Variants in ZFHX3 observed in about 807,000 individuals in gnomAD.
ZFHX3 encodes the protein zinc finger homeobox protein 3.
Under a neutral mutation model 279.1 loss-of-function variants are expected in ZFHX3, and 42 were observed. That is an observed-to-expected ratio of 0.15 (90% CI 0.12 to 0.19). The LOEUF is 0.19. Among genes scored for constraint, ZFHX3 ranks in the 10% least tolerant of loss-of-function variants. ZFHX3 has a pLI of 1.00. For synonymous variants in ZFHX3, 2,293 were observed against 1,957.8 expected (o/e 1.17, Z -4.52); for missense variants, 4,981 against 4,754.0 (o/e 1.05, Z -1.40).
chr16:73,567,462 T>C (rs2020467656), intron 2 of ZFHX3, among the ~76,000 whole-genome samples: 1 of 152,222 alleles, frequency 6.6e-6, no homozygotes, highest in Admixed American at 6.5e-5. Context: ...CTCCCTTAGT[T>C]GGGACATCCT....
intron 6 of ZFHX3, among the ~76,000 whole-genome samples, chr16:73,132,428 A>T (rs1043383004): frequency 6.6e-6 from 1 of 152,162 alleles, no homozygotes; most frequent in African/African-American, 2.4e-5. Flanking sequence ...AGGGAAGGAG[A>T]CTGGGAGCCT....
At chr16:72,811,833 C>A in intron 6 of ZFHX3, 56 bp from the exon 7 acceptor site, 1 of 1,597,450 alleles carries the variant, frequency 6.3e-7, no homozygotes, top group Non-Finnish European at 8.6e-7. Flanking sequence ...AGCCCGCCCA[C>A]CCAAAAGTTT....
At chr16:73,728,050 G>A (rs2142245719) in intron 1 of ZFHX3, among the ~76,000 whole-genome samples, 1 of 118,596 alleles carries the variant, frequency 8.4e-6, no homozygotes, top group East Asian at 2.4e-4. Flanking sequence ...ATATGTTGAA[G>A]TTGTAACTCC....
rs140474019 is a variant in ZFHX3, at chr16:73,472,125, G to C, written c.-1546-15867C>G. The stretch of plus-strand genomic sequence containing the variant: ...ATCTACTGAATGTTAGAACCAAAAG[G>C]GTCTTAAACCAACTTCTACCCCCAA... On this transcript the variant is annotated intron_variant, in intron 2 of 17. Coordinates refer to the ZFHX3 transcript ENST00000641206. 5.2e-3 allele frequency among the ~76,000 whole-genome samples: 793 copies of C among 151,990 alleles called. 8 individuals are homozygous for C. The highest frequency in any genetic ancestry group is 0.019 in the African/African-American group (768 of 41,436).
intron 3 of ZFHX3, among the ~76,000 whole-genome samples, chr16:73,349,689 TCCCTTCCTTCCCTCCCTCC>T: frequency 2.2e-4 from 6 of 27,312 alleles, no homozygotes; most frequent in African/African-American, 8.7e-4. Context: ...TCTCTCCCTC[TCCCTTCCTTCCCTCCCTCC>T]CTCCCTCCTT....
At chr16:73,550,757 T>G (rs2020191288) in intron 2 of ZFHX3, among the ~76,000 whole-genome samples, 1 of 152,356 alleles carries the variant, frequency 6.6e-6, no homozygotes. Context: ...GAATTCCTTA[T>G]TGTTTCCCAG....
intron 2 of ZFHX3, among the ~76,000 whole-genome samples, chr16:73,556,358 G>C (rs1163653394): frequency 1.3e-5 from 2 of 152,146 alleles, no homozygotes; most frequent in Non-Finnish European, 2.9e-5. Flanking sequence ...ATGTAAAATC[G>C]TTTCCATATT....
chr16:73,852,469 A>G (rs1368988455), intron 1 of ZFHX3, among the ~76,000 whole-genome samples: 1 of 152,202 alleles, frequency 6.6e-6, no homozygotes, highest in Non-Finnish European at 1.5e-5. Flanking sequence ...AAAAAATTAC[A>G]TGAATGGGTA....
chr16:73,118,117 G>A (rs1966453422), intron 7 of ZFHX3, among the ~76,000 whole-genome samples: 1 of 152,254 alleles, frequency 6.6e-6, no homozygotes, highest in Non-Finnish European at 1.5e-5. Flanking sequence ...AGATGCCCAT[G>A]AAGGACAGAT....
At chr16:73,464,761 G>A (rs2018535274) in intron 2 of ZFHX3, among the ~76,000 whole-genome samples, 1 of 152,208 alleles carries the variant, frequency 6.6e-6, no homozygotes, top group African/African-American at 2.4e-5. Flanking sequence ...GCTCGGTCAC[G>A]CCAAGGGGCT....
intron 3 of ZFHX3, among the ~76,000 whole-genome samples, chr16:73,326,740 T>A (rs1421610086): frequency 6.6e-6 from 1 of 152,218 alleles, no homozygotes; most frequent in East Asian, 1.9e-4. Flanking sequence ...TTGAATCCTA[T>A]ACTTCAAATG....
At chr16:73,268,005 G>A (rs369550207) in intron 4 of ZFHX3, among the ~76,000 whole-genome samples, 69 of 152,228 alleles carry the variant, frequency 4.5e-4, no homozygotes, top group African/African-American at 1.6e-3. Flanking sequence ...AACCTCCATC[G>A]TTATACTTGG....
At chr16:73,767,172 A>G (rs993744250) in intron 1 of ZFHX3, among the ~76,000 whole-genome samples, 9 of 152,094 alleles carry the variant, frequency 5.9e-5, no homozygotes, top group Admixed American at 3.9e-4. Context: ...CCTGACCTCA[A>G]GTGATCTGCC....
intron 3 of ZFHX3, among the ~76,000 whole-genome samples, chr16:72,947,161 C>G (rs1157958199): frequency 2.6e-5 from 4 of 152,160 alleles, no homozygotes; most frequent in Admixed American, 2.6e-4. Context: ...AACCTGAGGC[C>G]CAGAGACAAG....
At chr16:73,334,155 G>T (rs571118858) in intron 3 of ZFHX3, among the ~76,000 whole-genome samples, 2 of 152,284 alleles carry the variant, frequency 1.3e-5, no homozygotes, top group South Asian at 2.1e-4. Flanking sequence ...GAATGGAGTC[G>T]CCACGGCCAG....
At chr16:73,780,936 G>A (rs1234044216) in intron 1 of ZFHX3, among the ~76,000 whole-genome samples, 1 of 152,090 alleles carries the variant, frequency 6.6e-6, no homozygotes, top group Admixed American at 6.6e-5. Context: ...GAAGTCCCTG[G>A]GTACACATGA....
At chr16:72,984,222 G>T (rs1173037231) in intron 1 of ZFHX3, among the ~76,000 whole-genome samples, 1 of 152,210 alleles carries the variant, frequency 6.6e-6, no homozygotes, top group Non-Finnish European at 1.5e-5. Flanking sequence ...TGGCAAGACA[G>T]TCAGGAAGGT....
At chr16:73,616,856 C>T (rs574082201) in intron 2 of ZFHX3, among the ~76,000 whole-genome samples, 1 of 152,190 alleles carries the variant, frequency 6.6e-6, no homozygotes, top group South Asian at 2.1e-4. Context: ...AAGAGGAAGG[C>T]GATAAGTTAA....
At chr16:73,609,692 A>G (rs991221348) in intron 2 of ZFHX3, 1 of 152,032 alleles carries the variant, frequency 6.6e-6, no homozygotes, top group African/African-American at 2.4e-5. Context: ...AGGAAGGGAA[A>G]GAGGGAGGGG....
Sources: allele counts gnomAD v4.1 joint callset (sites outside exome capture counted in the v4.1 genomes callset), GRCh38; gene constraint gnomAD v4.1.1; transcripts MANE v1.5; gene names NCBI Gene and HGNC (gene_info 2026-07-23, HGNC 2026-07-21).